Variants in ARHGAP36 observed in about 807,000 individuals in gnomAD.
The protein encoded by ARHGAP36 is rho GTPase-activating protein 36.
A neutral mutation model predicts 32.9 loss-of-function variants in ARHGAP36; 7 were observed. The observed-to-expected ratio is 0.21, with a 90% CI of 0.12 to 0.40. The LOEUF is 0.40. Ranked by LOEUF, ARHGAP36 falls within the 10% of genes least tolerant of loss-of-function variation. ARHGAP36 has a pLI of 1.00. For missense variants in ARHGAP36, 383 were observed against 442.2 expected (o/e 0.87, Z 1.20); for synonymous variants, 165 against 168.3 (o/e 0.98, Z 0.15).
intron 2 of ARHGAP36, 78 bp from the exon 3 acceptor site, chrX:131,083,087 G>T: frequency 9.8e-7 from 1 of 1,019,284 alleles, no homozygotes. Flanking sequence ...CCCTGCTGCA[G>T]ATCAGGGCAT....
chrX:131,081,980 C>G (rs1054751709), intron 2 of ARHGAP36, 62 bp downstream of exon 2: 227 of 1,165,607 alleles, frequency 1.9e-4, no homozygotes, highest in Non-Finnish European at 2.3e-4. Context: ...CCGGGCAGGA[C>G]GGGGCGGATT....
At chrX:131,085,478 G>A in intron 7 of ARHGAP36, 110 bp from the exon 8 acceptor site, 1 of 963,044 alleles carries the variant, frequency 1.0e-6, no homozygotes, top group South Asian at 2.6e-5. Flanking sequence ...AGATGCCTGG[G>A]TACTTTCTCC....
At chrX:131,075,999 G>A (rs1310291557) in intron 1 of ARHGAP36, among the ~76,000 whole-genome samples, 1 of 111,506 alleles carries the variant, frequency 9.0e-6, no homozygotes, top group East Asian at 2.8e-4. Flanking sequence ...CTTTCCCAGG[G>A]GTTATTGTAA....
chrX:131,077,552 G>A (rs1308112017), intron 1 of ARHGAP36, among the ~76,000 whole-genome samples: 7 of 110,274 alleles, frequency 6.3e-5, no homozygotes, highest in Non-Finnish European at 1.9e-5. Context: ...TCCTCACAAT[G>A]TTGAAGTGGG....
chrX:131,072,714 C>G (rs2079739508), intron 1 of ARHGAP36, among the ~76,000 whole-genome samples: 3 of 111,768 alleles, frequency 2.7e-5, no homozygotes, highest in African/African-American at 3.3e-5. Context: ...TGAAGGAGAG[C>G]TCTGCTTTGA....
intron 2 of ARHGAP36, among the ~76,000 whole-genome samples, chrX:131,082,308 G>T (rs780766663): frequency 8.9e-6 from 1 of 111,931 alleles, no homozygotes; most frequent in Non-Finnish European, 1.9e-5. Flanking sequence ...CAGCGCGGTC[G>T]AGAGACAGAG....
chrX:131,077,445 A>G (rs2079768511), intron 1 of ARHGAP36, among the ~76,000 whole-genome samples: 8 of 110,158 alleles, frequency 7.3e-5, no homozygotes, highest in Admixed American at 5.8e-4. Flanking sequence ...ACTAGTAAGC[A>G]CTGCACCATT....
rs754635330 is a variant in ARHGAP36 at position 131,073,455 on chromosome X, C to A, written c.-142-8069C>A. ...CTAGCTCAGAGCCGAGGGCACGCAG[C>A]GGGACGGGTGCTCGGGCGGAGGGTC... On this transcript the variant is annotated intron_variant, in intron 1 of 11. Coordinates refer to ENST00000276211, the MANE Select transcript of ARHGAP36 (RefSeq NM_144967.4). Among the ~76,000 whole-genome samples, 56 of 112,138 alleles carry A rather than the reference C, an allele frequency of 5.0e-4. 2 individuals are homozygous for A. In the South Asian group the frequency reaches 0.021, roughly 42 times the overall value.
intron 11 of ARHGAP36, among the ~76,000 whole-genome samples, chrX:131,088,242 A>G (rs777378905): frequency 7.1e-5 from 8 of 112,826 alleles, no homozygotes; most frequent in Admixed American, 6.5e-4. Context: ...CAGTGCTGTA[A>G]GCTTTCAGCT....
At chrX:131,086,256 G>A in intron 9 of ARHGAP36, 73 bp from the exon 10 acceptor site, 2 of 1,136,217 alleles carry the variant, frequency 1.8e-6, no homozygotes, top group Non-Finnish European at 2.4e-6. Flanking sequence ...TTAGTCCTAG[G>A]TACCTGAAAG....
intron 1 of ARHGAP36, among the ~76,000 whole-genome samples, chrX:131,067,425 A>C (rs1403884120): frequency 8.8e-6 from 1 of 113,321 alleles, no homozygotes; most frequent in Non-Finnish European, 1.9e-5. Context: ...TTAAGCAGCC[A>C]GGTACATTCA....
At chrX:131,082,811 C>T (rs1311874763) in intron 2 of ARHGAP36, among the ~76,000 whole-genome samples, 1 of 112,999 alleles carries the variant, frequency 8.8e-6, no homozygotes, top group Admixed American at 9.2e-5. Context: ...GCAGGAGAGC[C>T]CCTCCCTCCC....
intron 1 of ARHGAP36, among the ~76,000 whole-genome samples, chrX:131,074,971 T>C (rs1453524217): frequency 8.9e-6 from 1 of 112,589 alleles, no homozygotes; most frequent in East Asian, 2.8e-4. Context: ...AAAATACAGT[T>C]CATCTTATCC....
At position 131,088,518 on chromosome X, in the gene ARHGAP36, T is replaced by A; in HGVS notation, c.1487-110T>A. 3 of 755,822 alleles carry A rather than the reference T, an allele frequency of 4.0e-6. 1 individual carries two copies. The South Asian group carries it at 7.8e-5, about 20-fold the overall frequency. 62.3% of individuals were successfully genotyped at this position (755,822 alleles called of 1,213,427 possible). ...GGGGATAATCATCCCTGTCCTACCT[T>A]CTTGCCTCATACTGTATTTGAAACT... On this transcript the variant is annotated intron_variant, in intron 11 of 11. Coordinates refer to ENST00000276211, the MANE Select transcript of ARHGAP36 (RefSeq NM_144967.4).
chrX:131,071,224 G>A (rs953230745), intron 1 of ARHGAP36, among the ~76,000 whole-genome samples: 1 of 110,140 alleles, frequency 9.1e-6, no homozygotes, highest in African/African-American at 3.3e-5. Flanking sequence ...AAGAGGGGAT[G>A]CCAGGGACAA....
chrX:131,076,816 G>A (rs1490164810), intron 1 of ARHGAP36, among the ~76,000 whole-genome samples: 1 of 112,001 alleles, frequency 8.9e-6, no homozygotes. Context: ...TTGGGACCAG[G>A]TGATGGCTAA....
chrX:131,075,817 C>T (rs2079760785), intron 1 of ARHGAP36, among the ~76,000 whole-genome samples: 1 of 111,329 alleles, frequency 9.0e-6, no homozygotes, highest in African/African-American at 3.3e-5. Context: ...ATACCAAGAA[C>T]TGCTATGGTT....
chrX:131,086,109 G>A lies in ARHGAP36; in HGVS notation c.1281+20G>A, dbSNP rs757709504. ...TTCCAGGTAGGTGCAAGTTTTGGAT[G>A]CACTTGTTTTACACATCCATCTCCT... On this transcript the variant is annotated intron_variant, in intron 9 of 11. Transcript: ENST00000276211. 8.3e-6 allele frequency: 10 copies of A among 1,204,044 alleles called. No homozygotes were observed. The highest frequency in any genetic ancestry group is 1.8e-5 in the South Asian group (1 of 55,892).
At chrX:131,068,058 C>T (rs1481843384) in intron 1 of ARHGAP36, among the ~76,000 whole-genome samples, 2 of 111,768 alleles carry the variant, frequency 1.8e-5, no homozygotes. Context: ...CACATAATCC[C>T]ACTATAATCG....
Sources: gnomAD v4.1 joint callset for allele counts (sites outside exome capture counted in the v4.1 genomes callset) on GRCh38, gnomAD v4.1.1 for gene constraint, MANE v1.5 for transcripts, NCBI Gene and HGNC (gene_info 2026-07-23, HGNC 2026-07-21) for gene names.